The following PRKCZ variants were observed in gnomAD, a reference collection of about 807,000 sequenced individuals.
PRKCZ encodes the protein protein kinase C zeta.
Under a neutral mutation model 79.5 loss-of-function variants are expected in PRKCZ, and 33 were observed. The observed-to-expected ratio is 0.41, with a 90% confidence interval of 0.31 to 0.55. The LOEUF (loss-of-function observed/expected upper bound fraction) is 0.55. PRKCZ is among the 20% of genes least tolerant of loss of function. The pLI is 0.19. For missense variants in PRKCZ, 578 were observed against 813.5 expected (o/e 0.71, Z 3.52); for synonymous variants, 342 against 320.9 (o/e 1.07, Z -0.70).
chr1:2,147,960 C>T (rs1274505429), intron 7 of PRKCZ, among the ~76,000 whole-genome samples: 12 of 150,210 alleles, frequency 8.0e-5, no homozygotes, highest in South Asian at 2.1e-4. Context: ...TGTCCACTGA[C>T]CTCTCCATCT....
chr1:2,142,555 A>G, intron 5 of PRKCZ: 1 of 271,762 alleles, frequency 3.7e-6, no homozygotes, highest in Admixed American at 5.2e-5. Flanking sequence ...CCGGAATCAG[A>G]GGTCTTGGGT....
chr1:2,074,345 A>G, intron 4 of PRKCZ: 3 of 1,540,612 alleles, frequency 1.9e-6, no homozygotes, highest in Non-Finnish European at 2.6e-6. Context: ...GGCTTGGGGA[A>G]ATCGTCTTGG....
intron 3 of PRKCZ, 47 bp downstream of exon 3, chr1:2,056,620 G>A: frequency 6.5e-7 from 1 of 1,537,020 alleles, no homozygotes; most frequent in East Asian, 2.3e-5. Flanking sequence ...GCTGTTCCTG[G>A]CTGTGGGTGT....
chr1:2,120,292 C>CTTTTT (rs1671601063), intron 4 of PRKCZ, among the ~76,000 whole-genome samples: 2 of 40,420 alleles, frequency 4.9e-5, no homozygotes, highest in Admixed American at 2.9e-4. Flanking sequence ...CTTGACTTTT[C>CTTTTT]GTTTTTTTTT....
chr1:2,142,103 C>T (rs1300159763), intron 5 of PRKCZ: 1 of 108,226 alleles, frequency 9.2e-6, no homozygotes, highest in African/African-American at 9.3e-5. Context: ...ACTCCAGGGT[C>T]CACACATCCA....
Position 2,088,375 on chromosome 1 carries a change from C to T in PRKCZ, c.334+28784C>T, listed in dbSNP as rs72903311. 1.2e-4 allele frequency among the ~76,000 whole-genome samples: 18 copies of T among 152,298 alleles called. 1 individual carries two copies. In the South Asian group the frequency reaches 2.7e-3, roughly 23 times the overall value. On this transcript the variant is annotated intron_variant, in intron 4 of 17. Transcript: ENST00000378567. ...CAGCTCGGAGGCTGCCCCTTTCCAT[C>T]GTGGGCTTCCTGGGAACCAAATCCC...
At chr1:2,053,680 T>G (rs1296109530) in intron 1 of PRKCZ, among the ~76,000 whole-genome samples, 1 of 152,090 alleles carries the variant, frequency 6.6e-6, no homozygotes, top group Non-Finnish European at 1.5e-5. Context: ...GAGGCAGGAC[T>G]GTAGGGGTAG....
intron 4 of PRKCZ, among the ~76,000 whole-genome samples, chr1:2,085,933 T>A (rs1664445130): frequency 6.6e-6 from 1 of 152,152 alleles, no homozygotes; most frequent in Admixed American, 6.5e-5. Flanking sequence ...CTCGCTCCCT[T>A]CTCCTGTCTG....
chr1:2,162,103 C>G (rs973534943), intron 10 of PRKCZ, among the ~76,000 whole-genome samples: 2 of 152,156 alleles, frequency 1.3e-5, no homozygotes, highest in Non-Finnish European at 2.9e-5. Flanking sequence ...ATCAACCCGT[C>G]TGCCTCCAGA....
In PRKCZ at chr1:2,102,554, G is replaced by A. The variant is rs371491109; in HGVS notation, c.335-32708G>A. On this transcript the variant is annotated intron_variant, in intron 4 of 17. Transcript: ENST00000378567. ...TCACTGTGTTAGCCGGGATGGTCTC[G>A]ATCTCCTGACCTCGTGATCCGCCCG... 2.6e-3 allele frequency among the ~76,000 whole-genome samples: 394 copies of A among 152,062 alleles called. 4 individuals are homozygous for A. Among genetic ancestry groups the A allele is most frequent in the African/African-American group, 7.7e-3 (319 of 41,476 alleles).
rs1271144883 is a variant in PRKCZ, at chr1:2,178,159, C to G, written c.1575+2846C>G. 6.6e-6 allele frequency among the ~76,000 whole-genome samples: 1 copy of G among 152,224 alleles called. No individual in the cohort carries two copies. The highest frequency in any genetic ancestry group is 6.5e-5 in the Admixed American group (1 of 15,284). ...CAGAGTTACATGACGTCATCGCGAT[C>G]ACTTTCATCACCCTGTACCCAGAGA... On this transcript the variant is annotated intron_variant, in intron 16 of 17. Coordinates refer to ENST00000378567, the MANE Select transcript of PRKCZ (RefSeq NM_002744.6). The surrounding 1 kb of genome is among the most constrained non-coding windows in gnomAD (Gnocchi z 4.3).
intron 4 of PRKCZ, among the ~76,000 whole-genome samples, chr1:2,067,559 C>T (rs1017993927): frequency 9.2e-5 from 14 of 152,074 alleles, no homozygotes; most frequent in East Asian, 5.8e-4. Flanking sequence ...GTGGAGTAAT[C>T]GGGCGGTGGA....
At chr1:2,106,835 A>G (rs1464423714) in intron 4 of PRKCZ, among the ~76,000 whole-genome samples, 4 of 104,160 alleles carry the variant, frequency 3.8e-5, no homozygotes, top group South Asian at 7.5e-4. Flanking sequence ...GAGGACCTCC[A>G]CACGTGTCAC....
In PRKCZ at chr1:2,174,064, T is replaced by G. The variant is rs771809390; in HGVS notation, c.1405+48T>G. On this transcript the variant is annotated intron_variant, in intron 14 of 17. Transcript: ENST00000378567. This position sits in a 1 kb window ranked among gnomAD's most constrained non-coding sequence, Gnocchi z 6.2. ...GTACCCCTCACCTGCACGACTGTCTTCCTTCCTTTTCAAAGGTGCAGGTGG... is the reference window on the plus strand; with the variant it reads ...GTACCCCTCACCTGCACGACTGTCTGCCTTCCTTTTCAAAGGTGCAGGTGG... 3.3e-6 allele frequency: 5 copies of G among 1,527,756 alleles called. No individual in the cohort carries two copies. Among genetic ancestry groups the G allele is most frequent in the Middle Eastern group, 1.7e-4 (1 of 5,724 alleles). The allele number at this position is 1,527,756 out of a possible 1,614,324, so 94.6% of individuals were successfully genotyped here. A position where few individuals can be genotyped will look rare whatever the true frequency, so the allele number is the denominator to read the frequency against.
At chr1:2,161,767 G>C (rs537866268) in intron 10 of PRKCZ, among the ~76,000 whole-genome samples, 1 of 152,214 alleles carries the variant, frequency 6.6e-6, no homozygotes, top group South Asian at 2.1e-4. Context: ...TCTCCATCCA[G>C]ACCCGAACGT....
chr1:2,084,475 C>T (rs1180742543), intron 4 of PRKCZ, among the ~76,000 whole-genome samples: 1 of 152,238 alleles, frequency 6.6e-6, no homozygotes, highest in African/African-American at 2.4e-5. Context: ...CCAGTTCCCG[C>T]CGCTTCACCA....
At chr1:2,058,913 C>CA (rs1385814598) in intron 3 of PRKCZ, among the ~76,000 whole-genome samples, 1 of 151,898 alleles carries the variant, frequency 6.6e-6, no homozygotes, top group Non-Finnish European at 1.5e-5. Flanking sequence ...CAACAAAAAA[C>CA]AAAAAATGTT....
chr1:2,155,199 TTGA>T (rs1007389314), intron 9 of PRKCZ, among the ~76,000 whole-genome samples: 43 of 150,174 alleles, frequency 2.9e-4, no homozygotes, highest in African/African-American at 4.7e-4. Context: ...GATGAAGATG[TTGA>T]TGATGGCGGT....
chr1:2,165,790 T>A lies in PRKCZ; in HGVS notation c.975-3728T>A, dbSNP rs1460480668. On this transcript the variant is annotated intron_variant, in intron 10 of 17. Coordinates refer to ENST00000378567, the MANE Select transcript of PRKCZ (RefSeq NM_002744.6). The surrounding 1 kb of genome is among the most constrained non-coding windows in gnomAD (Gnocchi z 4.1). ...GCCTCCAGGAGAGGGCTGTGGTTCC[T>A]CCCTCTGAGCCGGGCACCTTGCATT... Among the ~76,000 whole-genome samples, 1 of 152,092 alleles carries A rather than the reference T, an allele frequency of 6.6e-6. No individual in the cohort carries two copies. Among genetic ancestry groups the A allele is most frequent in the Non-Finnish European group, 1.5e-5 (1 of 68,022 alleles).
Sources: allele counts gnomAD v4.1 joint callset (sites outside exome capture counted in the v4.1 genomes callset), GRCh38; gene constraint gnomAD v4.1.1; non-coding constraint Gnocchi (gnomAD v3.1); transcripts MANE v1.5; gene names NCBI Gene and HGNC (gene_info 2026-07-23, HGNC 2026-07-21).